The following HIGD2B variants were observed in gnomAD, a reference collection of about 807,000 sequenced individuals.
HIGD2B encodes HIG1 domain family member 2B.
For synonymous variants in HIGD2B, 45 were observed against 28.1 expected, an observed-to-expected ratio of 1.60 and a Z score of -1.90; for missense variants, 106 against 67.0, an observed-to-expected ratio of 1.58 and a Z score of -2.03.
Position 72,676,530 on chromosome 15 carries a change from C to A in HIGD2B, c.-13-143G>T, listed in dbSNP as rs1595890855. On this transcript the variant is annotated intron_variant, in intron 2 of 2. Transcript: ENST00000311755. ...AGTTAAAGCAATTCTCCTGCTTCAG[C>A]CTTCCAAGTAGCTGGGATTACAGGA... 4 of 588,964 alleles carry A rather than the reference C, an allele frequency of 6.8e-6. No homozygotes were observed. The African/African-American group carries it at 7.5e-5, about 11-fold the overall frequency. 36.5% of individuals were successfully genotyped at this position (588,964 alleles called of 1,614,324 possible).
intron 1 of HIGD2B, among the ~76,000 whole-genome samples, chr15:72,681,830 C>T (rs1217757508): frequency 6.6e-6 from 1 of 152,112 alleles, no homozygotes; most frequent in Admixed American, 6.5e-5. Context: ...TGGTCTCAAA[C>T]TCCGGACCTG....
chr15:72,682,957 C>G (rs1276955473), intron 1 of HIGD2B: 1 of 168,866 alleles, frequency 5.9e-6, no homozygotes, highest in East Asian at 1.8e-4. Context: ...GCTGACCAAG[C>G]TGCCACCTGG....
chr15:72,682,081 C>T (rs1291490916), intron 1 of HIGD2B, among the ~76,000 whole-genome samples: 1 of 152,124 alleles, frequency 6.6e-6, no homozygotes, highest in Non-Finnish European at 1.5e-5. Context: ...ATTATCCAAA[C>T]TAAATGTGTA....
chr15:72,677,769 T>TA (rs1327473861), intron 2 of HIGD2B, among the ~76,000 whole-genome samples: 2 of 100,806 alleles, frequency 2.0e-5, no homozygotes, highest in African/African-American at 5.6e-5. Context: ...TCTCTAAAAA[T>TA]TAAAAAAAAA....
chr15:72,683,825 A>G (rs1003333925), intron 1 of HIGD2B, among the ~76,000 whole-genome samples: 1 of 151,976 alleles, frequency 6.6e-6, no homozygotes, highest in African/African-American at 2.4e-5. Context: ...TGGGCAACAG[A>G]GCGAGATCCT....
intron 2 of HIGD2B, among the ~76,000 whole-genome samples, chr15:72,677,150 C>A (rs1448525171): frequency 6.6e-6 from 1 of 152,102 alleles, no homozygotes; most frequent in Non-Finnish European, 1.5e-5. Context: ...TAAGAAGAGG[C>A]CAGGGGTGGT....
chr15:72,676,126 G>A lies in HIGD2B; in HGVS notation c.249C>T (p.Ile83=), dbSNP rs770159060. The A allele has an allele frequency of 3.9e-6, 3 of 765,338 alleles. No individual in the cohort carries two copies. Among genetic ancestry groups the A allele is most frequent in the South Asian group, 2.7e-5 (2 of 73,798 alleles). 47.4% of individuals were successfully genotyped at this position (765,338 alleles called of 1,614,324 possible). ...CTGCAATGGTGAAGCCCTGGGCGGC[G>A]ATCTGGGTGTGCATCATAAGCCGTG... ...QCSRLMMHTQ[I]AAQGFTIAAI... Residue 83 remains isoleucine, a synonymous_variant, in exon 3 of 3, where the codon ATC becomes ATT. Coordinates refer to ENST00000311755, the MANE Select transcript of HIGD2B (RefSeq NM_001350932.3).
intron 2 of HIGD2B, among the ~76,000 whole-genome samples, chr15:72,678,192 A>C (rs1035796761): frequency 2.6e-5 from 4 of 152,244 alleles, no homozygotes; most frequent in Non-Finnish European, 5.9e-5. Flanking sequence ...TACACAGAGG[A>C]AAACTGAAGT....
At chr15:72,684,283 T>C (rs1023795500) in intron 1 of HIGD2B, among the ~76,000 whole-genome samples, 2 of 152,214 alleles carry the variant, frequency 1.3e-5, no homozygotes, top group Admixed American at 1.3e-4. Context: ...ACTTCGGGTA[T>C]GCCTTATGTA....
chr15:72,680,704 T>C (rs2064740045), intron 1 of HIGD2B, among the ~76,000 whole-genome samples: 1 of 152,084 alleles, frequency 6.6e-6, no homozygotes, highest in African/African-American at 2.4e-5. Context: ...CAGGCAAACA[T>C]GGCAAAAACC....
chr15:72,679,420 G>A (rs572352546), intron 2 of HIGD2B, among the ~76,000 whole-genome samples: 1 of 150,298 alleles, frequency 6.7e-6, no homozygotes, highest in Non-Finnish European at 1.5e-5. Flanking sequence ...GCAGAGAGGG[G>A]AAGAGGAAAG....
chr15:72,676,362 CGA>C lies in HIGD2B; in HGVS notation c.11_12del (p.Leu4ArgfsTer10), dbSNP rs752592206. On this transcript the variant is annotated frameshift_variant, in exon 3 of 3. Coordinates refer to ENST00000311755, the MANE Select transcript of HIGD2B (RefSeq NM_001350932.3). LOFTEE classifies it low-confidence loss of function (END_TRUNC). The stretch of plus-strand genomic sequence containing the variant: ...AAGGGGGCCTCCGGAGTCACAAAGC[CGA>C]GAGTCGCCATGCCTAGGCCACAGCT... MAT[L>X]GFVTPEAPFE... 1.3e-6 allele frequency: 1 copy of C among 755,660 alleles called. No homozygotes were observed. The allele number at this position is 755,660 out of a possible 1,614,324, so 46.8% of individuals were successfully genotyped here. A position where few individuals can be genotyped will look rare whatever the true frequency, so the allele number is the denominator to read the frequency against.
At position 72,675,805 on chromosome 15, in the gene HIGD2B, C is replaced by G; in HGVS notation, c.*249G>C. The G allele has an allele frequency of 2.3e-6, 1 of 441,872 alleles. No individual in the cohort carries two copies. 27.4% of individuals were successfully genotyped at this position (441,872 alleles called of 1,614,324 possible). Reference sequence around the variant, plus strand: ...TATGTGTGTAATTTTTTACTTTTTTCTTATTTTTAGAGTTTATTAAGCAGG... The same window carrying G: ...TATGTGTGTAATTTTTTACTTTTTTGTTATTTTTAGAGTTTATTAAGCAGG... On this transcript the variant is annotated 3_prime_UTR_variant, in exon 3 of 3. Transcript: ENST00000311755.
chr15:72,681,936 A>T (rs891663184), intron 1 of HIGD2B, among the ~76,000 whole-genome samples: 7 of 152,082 alleles, frequency 4.6e-5, no homozygotes, highest in Admixed American at 3.3e-4. Context: ...ATTATTATTG[A>T]GACAGAGTTT....
intron 1 of HIGD2B, among the ~76,000 whole-genome samples, chr15:72,681,724 A>C (rs10152622): frequency 0.04 from 6,012 of 150,164 alleles, 127 homozygotes; most frequent in African/African-American, 0.056. Context: ...CTCCTGCCTC[A>C]GCCTCCCGAG....
Position 72,685,806 on chromosome 15 carries a change from G to C in HIGD2B, c.-193+12C>G. On this transcript the variant is annotated intron_variant, in intron 1 of 2. Transcript: ENST00000311755. Reference sequence around the variant, plus strand: ...TTCGATAGTGACAGCCAAGAAACGGGGAGTTTTGTACCTAAGGCGAGAAAG... The same window carrying C: ...TTCGATAGTGACAGCCAAGAAACGGCGAGTTTTGTACCTAAGGCGAGAAAG... The C allele has an allele frequency of 3.3e-6, 1 of 304,266 alleles. No homozygotes were observed. The highest frequency in any genetic ancestry group is 3.2e-5 in the South Asian group (1 of 30,876). The allele number at this position is 304,266 out of a possible 1,614,324, so 18.8% of individuals were successfully genotyped here.
At chr15:72,685,039 T>C (rs1409351603) in intron 1 of HIGD2B, among the ~76,000 whole-genome samples, 1 of 152,168 alleles carries the variant, frequency 6.6e-6, no homozygotes, top group Non-Finnish European at 1.5e-5. Context: ...AGAGTATTTA[T>C]CTGAAAAAAG....
intron 2 of HIGD2B, among the ~76,000 whole-genome samples, chr15:72,677,001 A>T (rs1251304887): frequency 6.6e-6 from 1 of 152,228 alleles, no homozygotes; most frequent in Non-Finnish European, 1.5e-5. Flanking sequence ...GGACTGTATC[A>T]ATGTTAACAT....
At chr15:72,681,316 C>T (rs2064747143) in intron 1 of HIGD2B, among the ~76,000 whole-genome samples, 9 of 152,164 alleles carry the variant, frequency 5.9e-5, no homozygotes. Flanking sequence ...TGGTTTTCCT[C>T]CTTTGGAGGC....
Sources: allele counts gnomAD v4.1 joint callset (sites outside exome capture counted in the v4.1 genomes callset), GRCh38; gene constraint gnomAD v4.1.1; transcripts MANE v1.5; gene names NCBI Gene and HGNC (gene_info 2026-07-23, HGNC 2026-07-21).